The following LRPAP1 variants were observed in gnomAD, a reference collection of about 807,000 sequenced individuals.
The protein encoded by LRPAP1 is alpha-2-macroglobulin receptor-associated protein.
LRPAP1 carries 41 observed loss-of-function variants against 39.9 expected under a neutral mutation model. The observed-to-expected ratio is 1.03, with a 90% CI of 0.80 to 1.33. LRPAP1 has a LOEUF of 1.33. LRPAP1 is among the 40% of genes most tolerant of loss of function. The probability of loss-of-function intolerance (pLI) is 0.00; values close to 1 mark genes in which losing one functional copy is unlikely to be tolerated. For missense variants in LRPAP1, 565 were observed against 482.3 expected (o/e 1.17, Z -1.61); for synonymous variants, 263 against 212.7 (o/e 1.24, Z -2.06).
rs192346356 is a variant in LRPAP1, at chr4:3,506,974, C to T, written c.*6000G>A. The T allele has an allele frequency of 1.7e-3, 252 of 152,318 alleles. 2 individuals are homozygous for T. The South Asian group carries it at 0.029, about 17-fold the overall frequency. The allele number at this position is 152,318 out of a possible 1,614,324, so 9.4% of individuals were successfully genotyped here. The stretch of plus-strand genomic sequence containing the variant: ...CCCGCCACCTGTAATCCTGGCACTC[C>T]GCGAGGTGGAGGCAGGTGAATCACT... On this transcript the variant is annotated 3_prime_UTR_variant, in exon 8 of 8. Coordinates refer to ENST00000650182, the MANE Select transcript of LRPAP1 (RefSeq NM_002337.4).
At chr4:3,520,840 G>C (rs561458573) in intron 2 of LRPAP1, among the ~76,000 whole-genome samples, 296 of 152,352 alleles carry the variant, frequency 1.9e-3, no homozygotes, top group African/African-American at 6.8e-3. Flanking sequence ...AGCCCTCTAG[G>C]ATCTGCCCAC....
intron 5 of LRPAP1, 122 bp downstream of exon 5, chr4:3,517,912 G>T: frequency 7.8e-7 from 1 of 1,282,178 alleles, no homozygotes; most frequent in Non-Finnish European, 1.1e-6. Flanking sequence ...AGCGCGCCGA[G>T]GGTCTCCGCT....
chr4:3,526,619 C>T (rs570868877), intron 1 of LRPAP1, among the ~76,000 whole-genome samples: 2 of 152,368 alleles, frequency 1.3e-5, no homozygotes, highest in Admixed American at 6.5e-5. Context: ...AGGCCCAGCC[C>T]TCAGGTCCGC....
chr4:3,525,040 AG>A lies in LRPAP1; in HGVS notation c.215del (p.Pro72LeufsTer3). The A allele has an allele frequency of 6.2e-7, 1 of 1,613,932 alleles. No homozygotes were observed. The highest frequency in any genetic ancestry group is 8.5e-7 in the Non-Finnish European group (1 of 1,180,012). On this transcript the variant is annotated frameshift_variant, in exon 2 of 8. Transcript: ENST00000650182. LOFTEE classifies it high-confidence loss of function. The stretch of plus-strand genomic sequence containing the variant: ...CGTGGAGCTCGGCCAGCCTCACGGG[AG>A]GAAGATGCAGCTGCGAACGAAGGGG... ...LWEKAQRLHL[P>X]PVRLAELHAD...
At position 3,510,605 on chromosome 4, in the gene LRPAP1, G is replaced by C. The variant is rs1173716828; in HGVS notation, c.*2369C>G. 6.6e-6 allele frequency: 1 copy of C among 152,274 alleles called. No individual in the cohort carries two copies. The highest frequency in any genetic ancestry group is 1.5e-5 in the Non-Finnish European group (1 of 68,054). The allele number at this position is 152,274 out of a possible 1,614,324, so 9.4% of individuals were successfully genotyped here. ...TGGATCCTGACTGCAACCCACACTGGAAACGTACACTCCTGAGTAGGGACT... is the reference window on the plus strand; with the variant it reads ...TGGATCCTGACTGCAACCCACACTGCAAACGTACACTCCTGAGTAGGGACT... On this transcript the variant is annotated 3_prime_UTR_variant, in exon 8 of 8. Transcript: ENST00000650182.
At chr4:3,513,434 T>C (rs1577202866) in intron 7 of LRPAP1, among the ~76,000 whole-genome samples, 1 of 151,998 alleles carries the variant, frequency 6.6e-6, no homozygotes, top group Non-Finnish European at 1.5e-5. Flanking sequence ...CAGCCTCCCA[T>C]GTACTTAGGA....
intron 2 of LRPAP1, among the ~76,000 whole-genome samples, chr4:3,523,610 A>G (rs1313383751): frequency 6.6e-6 from 1 of 152,118 alleles, no homozygotes; most frequent in Admixed American, 6.5e-5. Context: ...CTCCAGACAA[A>G]TCACCCTCTC....
Position 3,514,863 on chromosome 4 carries a change from A to G in LRPAP1, c.900T>C (p.Ile300=), listed in dbSNP as rs1451839487. 5.6e-6 allele frequency: 9 copies of G among 1,613,858 alleles called. No individual in the cohort carries two copies. Among genetic ancestry groups the G allele is most frequent in the Non-Finnish European group, 7.6e-6 (9 of 1,179,918 alleles). ...KHNHYQKQLE[I]AHEKLRHAES... is the part of the protein sequence containing the mutation. Reference sequence around the variant, plus strand: ...CTGCGTGCCTCAGCTTCTCGTGCGCAATCTCCAGCTGCTTCTGGTAGTGGT... The same window carrying G: ...CTGCGTGCCTCAGCTTCTCGTGCGCGATCTCCAGCTGCTTCTGGTAGTGGT... Residue 300 remains isoleucine (I), a synonymous_variant, in exon 7 of 8, where the codon ATT becomes ATC. Coordinates refer to ENST00000650182, the MANE Select transcript of LRPAP1 (RefSeq NM_002337.4).
chr4:3,508,464 A>G lies in LRPAP1; in HGVS notation c.*4510T>C, dbSNP rs1346473525. ...TGTTTCAGGAGGCCCACTTAATGCA[A>G]TATCAAACCATGACAGACACATCAC... On this transcript the variant is annotated 3_prime_UTR_variant, in exon 8 of 8. Transcript: ENST00000650182. The G allele has an allele frequency of 1.3e-5, 2 of 152,230 alleles. No homozygotes were observed. Among genetic ancestry groups the G allele is most frequent in the East Asian group, 3.8e-4 (2 of 5,200 alleles). The allele number at this position is 152,230 out of a possible 1,614,324, so 9.4% of individuals were successfully genotyped here. A position where few individuals can be genotyped will look rare whatever the true frequency, so the allele number is the denominator to read the frequency against.
chr4:3,524,774 T>A (rs1730027691), intron 2 of LRPAP1, 133 bp downstream of exon 2: 1 of 1,054,398 alleles, frequency 9.5e-7, no homozygotes. Flanking sequence ...AAAGGCTCAT[T>A]TTGGATATCC....
chr4:3,529,002 G>A (rs1730161346), intron 1 of LRPAP1, among the ~76,000 whole-genome samples: 4 of 152,122 alleles, frequency 2.6e-5, no homozygotes, highest in African/African-American at 7.2e-5. Flanking sequence ...CACTCTCATT[G>A]CAGTCACCAT....
intron 2 of LRPAP1, among the ~76,000 whole-genome samples, 199 bp from the exon 3 acceptor site, chr4:3,520,392 G>A (rs1294967692): frequency 2.6e-5 from 4 of 152,186 alleles, no homozygotes; most frequent in African/African-American, 7.2e-5. Context: ...TGGTCTCCCA[G>A]CACTTAGGAA....
Position 3,532,218 on chromosome 4 carries a change from C to T in LRPAP1, c.195G>A (p.Lys65=), listed in dbSNP as rs570507981. 4.8e-5 allele frequency: 75 copies of T among 1,550,288 alleles called. 1 individual carries two copies. The South Asian group carries it at 7.5e-4, about 15-fold the overall frequency. ...CGCGGGCCGCGCTCACTCGCTGGGCCTTCTCCCACAGCTGGTTCAACTTCT... is the reference window on the plus strand; with the variant it reads ...CGCGGGCCGCGCTCACTCGCTGGGCTTTCTCCCACAGCTGGTTCAACTTCT... ...RMEKLNQLWE[K]AQRLHLPPVR... is the part of the protein sequence containing the mutation. The change falls in exon 1 of 8, where the codon AAG becomes AAA. Residue 65 remains lysine, a synonymous_variant. Transcript: ENST00000650182.
At position 3,518,144 on chromosome 4, in the gene LRPAP1, C is replaced by T. The variant is rs374664239; in HGVS notation, c.641G>A (p.Gly214Asp). ...ISPSDLSDIK[G>D]SVLHSRHTEL... ...CGTGTGCCTGCTGTGCAGGACGCTG[C>T]CCTTGATGTCGCTCAGGTCCGAGGG... The change falls in exon 5 of 8, where the codon GGC becomes GAC. Residue 214 changes from glycine (G) to aspartate (D), a missense_variant. Physicochemically the swap from Gly to Asp is moderately conservative, Grantham distance 94. Transcript: ENST00000650182. 12 of 1,613,484 alleles carry T rather than the reference C, an allele frequency of 7.4e-6. No homozygotes were observed. The highest frequency in any genetic ancestry group is 1.0e-5 in the Non-Finnish European group (12 of 1,179,922).
At chr4:3,513,962 C>T (rs976480247) in intron 7 of LRPAP1, among the ~76,000 whole-genome samples, 25 of 152,242 alleles carry the variant, frequency 1.6e-4, no homozygotes, top group African/African-American at 6.0e-4. Context: ...CAGTGCCACA[C>T]GGCTTTCTTA....
At chr4:3,520,256 C>T in intron 2 of LRPAP1, 63 bp from the exon 3 acceptor site, 4 of 1,570,968 alleles carry the variant, frequency 2.5e-6, no homozygotes, top group Non-Finnish European at 3.5e-6. Context: ...AAAGCCAACA[C>T]ATCTGGGTTG....
chr4:3,518,574 C>T (rs1800489), intron 4 of LRPAP1, among the ~76,000 whole-genome samples: 15,027 of 152,120 alleles, frequency 0.099, 958 homozygotes, highest in East Asian at 0.24. Context: ...AAGGACCCAT[C>T]AGCGAAGCTC....
At chr4:3,516,088 C>G in intron 6 of LRPAP1, 28 bp downstream of exon 6, 1 of 1,554,494 alleles carries the variant, frequency 6.4e-7, no homozygotes, top group Non-Finnish European at 8.7e-7. Context: ...CAGGAGAGAG[C>G]TAGAAGGAGA....
chr4:3,527,940 T>G (rs1332709791), intron 1 of LRPAP1, among the ~76,000 whole-genome samples: 2 of 152,150 alleles, frequency 1.3e-5, no homozygotes, highest in Non-Finnish European at 2.9e-5. Flanking sequence ...TCCCTCTGAT[T>G]CCCCAACTCT....
Sources: allele counts gnomAD v4.1 joint callset (sites outside exome capture counted in the v4.1 genomes callset), GRCh38; gene constraint gnomAD v4.1.1; transcripts MANE v1.5; gene names NCBI Gene and HGNC (gene_info 2026-07-23, HGNC 2026-07-21).